HTR7: variants seen among roughly 807,000 people sequenced by gnomAD.
The protein encoded by HTR7 is 5-hydroxytryptamine receptor 7.
HTR7 carries 16 observed loss-of-function variants against 34.0 expected under a neutral mutation model. The observed-to-expected ratio is 0.47, with a 90% confidence interval of 0.32 to 0.71. The LOEUF (loss-of-function observed/expected upper bound fraction) is 0.71. Among genes scored for constraint, HTR7 ranks in the 30% least tolerant of loss-of-function variants. The pLI is 0.04. For synonymous variants in HTR7, 265 were observed against 260.2 expected, an observed-to-expected ratio of 1.02 and a Z score of -0.18; for missense variants, 504 against 625.5, an observed-to-expected ratio of 0.81 and a Z score of 2.07.
At chr10:90,843,949 T>C (rs1846369819) in intron 1 of HTR7, among the ~76,000 whole-genome samples, 1 of 152,214 alleles carries the variant, frequency 6.6e-6, no homozygotes, top group African/African-American at 2.4e-5. Flanking sequence ...TATCCATAAA[T>C]AAAGCTTTAT....
At chr10:90,811,714 C>T (rs528467230) in intron 1 of HTR7, among the ~76,000 whole-genome samples, 19 of 152,198 alleles carry the variant, frequency 1.2e-4, no homozygotes, top group African/African-American at 3.4e-4. Flanking sequence ...GATTTGCCCC[C>T]GCCCAGGACT....
intron 1 of HTR7, among the ~76,000 whole-genome samples, chr10:90,827,428 G>A (rs1271325909): frequency 6.6e-6 from 1 of 152,000 alleles, no homozygotes; most frequent in Non-Finnish European, 1.5e-5. Flanking sequence ...AGACAAAGTG[G>A]CTGAATGGAT....
At chr10:90,813,179 C>T (rs971282741) in intron 1 of HTR7, among the ~76,000 whole-genome samples, 2 of 152,178 alleles carry the variant, frequency 1.3e-5, no homozygotes, top group African/African-American at 4.8e-5. Context: ...TCAGACTTAG[C>T]CCGCCTGCAC....
At chr10:90,830,789 GAA>G (rs770904900) in intron 1 of HTR7, among the ~76,000 whole-genome samples, 5 of 83,774 alleles carry the variant, frequency 6.0e-5, no homozygotes, top group Non-Finnish European at 4.8e-5. Flanking sequence ...CCCTGTCTCA[GAA>G]AAAAAAAAAA....
chr10:90,838,307 C>G (rs1014187106), intron 1 of HTR7, among the ~76,000 whole-genome samples: 3 of 152,174 alleles, frequency 2.0e-5, no homozygotes, highest in African/African-American at 7.2e-5. Context: ...ATCCTTCATG[C>G]CTGTCTCCCT....
chr10:90,831,530 A>G (rs890008190), intron 1 of HTR7, among the ~76,000 whole-genome samples: 1 of 152,174 alleles, frequency 6.6e-6, no homozygotes, highest in Non-Finnish European at 1.5e-5. Flanking sequence ...CTATTGCAAA[A>G]AGCAAAACAC....
At chr10:90,774,665 G>C (rs1359894245) in intron 1 of HTR7, among the ~76,000 whole-genome samples, 1 of 152,158 alleles carries the variant, frequency 6.6e-6, no homozygotes, top group East Asian at 1.9e-4. Flanking sequence ...CACGGTGAGG[G>C]ACTTGGTTTC....
At chr10:90,842,413 G>A (rs1261688068) in intron 1 of HTR7, among the ~76,000 whole-genome samples, 2 of 152,168 alleles carry the variant, frequency 1.3e-5, no homozygotes, top group African/African-American at 4.8e-5. Context: ...GAAGGGGTAA[G>A]ACAGATCTGG....
chr10:90,804,055 C>T (rs1845667803), intron 1 of HTR7, among the ~76,000 whole-genome samples: 1 of 152,116 alleles, frequency 6.6e-6, no homozygotes, highest in African/African-American at 2.4e-5. Flanking sequence ...AGAGAACAAG[C>T]AACTGAATGT....
chr10:90,757,885 T>A (rs1049434856), intron 1 of HTR7, among the ~76,000 whole-genome samples: 1 of 152,204 alleles, frequency 6.6e-6, no homozygotes, highest in Non-Finnish European at 1.5e-5. Context: ...TACTTTTCAC[T>A]GTAAGAGACC....
chr10:90,782,870 T>C (rs1845325450), intron 1 of HTR7, among the ~76,000 whole-genome samples: 2 of 152,228 alleles, frequency 1.3e-5, no homozygotes, highest in South Asian at 4.1e-4. Context: ...ATTGATTCCA[T>C]CTTTTATATA....
At chr10:90,794,086 T>G (rs1845499817) in intron 1 of HTR7, among the ~76,000 whole-genome samples, 1 of 152,186 alleles carries the variant, frequency 6.6e-6, no homozygotes, top group East Asian at 1.9e-4. Context: ...AAAAAATACT[T>G]TGCATCCTTC....
At chr10:90,846,909 T>A (rs1359614281) in intron 1 of HTR7, among the ~76,000 whole-genome samples, 1 of 152,176 alleles carries the variant, frequency 6.6e-6, no homozygotes. Flanking sequence ...TATTGACTTG[T>A]GCTTCTCCTA....
At chr10:90,820,144 T>C (rs950256933) in intron 1 of HTR7, among the ~76,000 whole-genome samples, 21 of 152,202 alleles carry the variant, frequency 1.4e-4, no homozygotes, top group Admixed American at 1.2e-3. Flanking sequence ...TTGTTTGGTA[T>C]GGCACAGTCT....
rs758591184 is a variant in HTR7 at position 90,749,622 on chromosome 10, T to C, written c.540-28A>G. 20 of 1,575,522 alleles carry C rather than the reference T, an allele frequency of 1.3e-5. No homozygotes were observed. The highest frequency in any genetic ancestry group is 1.7e-5 in the Non-Finnish European group (20 of 1,159,302). On this transcript the variant is annotated intron_variant, in intron 1 of 3. Transcript: ENST00000336152. This position sits in a 1 kb window ranked among gnomAD's most constrained non-coding sequence, Gnocchi z 4.2. ...AGTGGAGAGATGGAAAGATAACAGA[T>C]GAACACCGTGATCATAACTGGTCAA...
intron 1 of HTR7, among the ~76,000 whole-genome samples, chr10:90,851,181 T>C (rs557244737): frequency 4.6e-5 from 7 of 152,260 alleles, no homozygotes; most frequent in African/African-American, 1.7e-4. Flanking sequence ...CATGGAGTGA[T>C]AATAATGTTG....
chr10:90,781,096 C>T (rs1845299911), intron 1 of HTR7, among the ~76,000 whole-genome samples: 2 of 152,136 alleles, frequency 1.3e-5, no homozygotes, highest in Non-Finnish European at 1.5e-5. Flanking sequence ...AGTGGAAGTC[C>T]TCTCCCCCAT....
At chr10:90,800,892 C>T (rs538722286) in intron 1 of HTR7, among the ~76,000 whole-genome samples, 1 of 152,330 alleles carries the variant, frequency 6.6e-6, no homozygotes, top group African/African-American at 2.4e-5. Flanking sequence ...ATGCCTCACA[C>T]TCATGTTAGC....
At chr10:90,799,366 AATG>A (rs1364520352) in intron 1 of HTR7, among the ~76,000 whole-genome samples, 1 of 151,650 alleles carries the variant, frequency 6.6e-6, no homozygotes, top group African/African-American at 2.4e-5. Context: ...TGAATGAATG[AATG>A]AATGAATGAA....
Sources: allele counts gnomAD v4.1 joint callset (sites outside exome capture counted in the v4.1 genomes callset), GRCh38; gene constraint gnomAD v4.1.1; non-coding constraint Gnocchi (gnomAD v3.1); transcripts MANE v1.5; gene names NCBI Gene and HGNC (gene_info 2026-07-23, HGNC 2026-07-21).